Variants in STKLD1 observed in about 807,000 individuals in gnomAD.
STKLD1 encodes serine/threonine kinase-like domain-containing protein STKLD1.
STKLD1 carries 79 observed loss-of-function variants against 80.4 expected under a neutral mutation model. The ratio of observed to expected loss-of-function variants is 0.98; its 90% CI spans 0.82 to 1.19. The LOEUF (loss-of-function observed/expected upper bound fraction) is 1.19, where lower values mean the gene tolerates loss of function less well. Ranked by LOEUF, STKLD1 falls within the 50% of genes most tolerant of loss-of-function variation. STKLD1 has a pLI of 0.00. For synonymous variants in STKLD1, 393 were observed against 357.6 expected (o/e 1.10, Z -1.12); for missense variants, 841 against 856.0 (o/e 0.98, Z 0.22).
chr9:133,391,463 G>C (rs587730058), intron 7 of STKLD1, among the ~76,000 whole-genome samples: 5 of 151,604 alleles, frequency 3.3e-5, no homozygotes, highest in Admixed American at 2.6e-4. Flanking sequence ...TCGGATGGTT[G>C]CTGTGTCTGT....
At chr9:133,392,734 G>A (rs1838437671) in intron 7 of STKLD1, among the ~76,000 whole-genome samples, 1 of 103,642 alleles carries the variant, frequency 9.6e-6, no homozygotes, top group Non-Finnish European at 1.9e-5. Context: ...TGGATGGATG[G>A]ATGGATGGAT....
At chr9:133,398,777 A>C (rs1838623664) in intron 11 of STKLD1, among the ~76,000 whole-genome samples, 1 of 152,212 alleles carries the variant, frequency 6.6e-6, no homozygotes, top group African/African-American at 2.4e-5. Context: ...TCAGAAAACA[A>C]AACCAAACCC....
chr9:133,404,737 C>G, intron 16 of STKLD1, 52 bp from the exon 17 acceptor site: 1 of 1,597,908 alleles, frequency 6.3e-7, no homozygotes, highest in Middle Eastern at 1.7e-4. Context: ...GCAGAAGGCT[C>G]TTCCCTTTCA....
In STKLD1 at chr9:133,379,278, G is replaced by C. The variant is rs1423557360; in HGVS notation, c.174+156G>C. Among the ~76,000 whole-genome samples, 5 of 152,258 alleles carry C rather than the reference G, an allele frequency of 3.3e-5. No homozygotes were observed. The East Asian group carries it at 9.6e-4, about 29-fold the overall frequency. On this transcript the variant is annotated intron_variant, in intron 2 of 17. Coordinates refer to ENST00000371957, the MANE Select transcript of STKLD1 (RefSeq NM_153710.5). ...AGACTAATCTGGTTGGGGTAGATGT[G>C]GGGGTGCGTGAAGCTCTGTCACCTT...
In STKLD1 at chr9:133,405,252, AG is replaced by A. The variant is rs781790236; in HGVS notation, c.1876del (p.Glu626ArgfsTer11). On this transcript the variant is annotated frameshift_variant and splice_region_variant, in exon 18 of 18. Coordinates refer to ENST00000371957, the MANE Select transcript of STKLD1 (RefSeq NM_153710.5). LOFTEE classifies it low-confidence loss of function (END_TRUNC). ...GMLLVHLASY[E>X]EILPELVSSS... Reference sequence around the variant, plus strand: ...CAGGACCTTCCTGCTCCACCTGCAGAGGAGATCCTGCCGGAGCTGGTGTCCA... The same window carrying A: ...CAGGACCTTCCTGCTCCACCTGCAGAGAGATCCTGCCGGAGCTGGTGTCCA... 4 of 1,601,434 alleles carry A rather than the reference AG, an allele frequency of 2.5e-6. No individual in the cohort carries two copies. The African/African-American group carries it at 5.4e-5, about 21-fold the overall frequency.
At chr9:133,395,812 CAT>C (rs1554776661) in intron 9 of STKLD1, 49 bp downstream of exon 9, 1 of 1,580,060 alleles carries the variant, frequency 6.3e-7, no homozygotes, top group East Asian at 2.2e-5. Flanking sequence ...TATCTTTCAA[CAT>C]CTCTCCACCC....
intron 7 of STKLD1, among the ~76,000 whole-genome samples, chr9:133,393,228 T>TGGATGGATGGA (rs1396711710): frequency 1.4e-5 from 1 of 73,612 alleles, no homozygotes; most frequent in African/African-American, 5.0e-5. Flanking sequence ...GGATGGATGG[T>TGGATGGATGGA]TGGACGGATG....
At position 133,400,639 on chromosome 9, in the gene STKLD1, T is replaced by C. The variant is rs1554777478; in HGVS notation, c.1198+110T>C. 5.8e-6 allele frequency: 5 copies of C among 859,022 alleles called. No homozygotes were observed. In the East Asian group the frequency reaches 7.3e-5, roughly 12 times the overall value. 53.2% of individuals were successfully genotyped at this position (859,022 alleles called of 1,614,324 possible). Reference sequence around the variant, plus strand: ...GGGCCGGGTGGGTTAGGGGAAGCCATGCCCTGCTCCCTGCTGCTGCACCTT... The same window carrying C: ...GGGCCGGGTGGGTTAGGGGAAGCCACGCCCTGCTCCCTGCTGCTGCACCTT... On this transcript the variant is annotated intron_variant, in intron 12 of 17. Transcript: ENST00000371957.
At chr9:133,399,893 A>G (rs1479381687) in intron 11 of STKLD1, among the ~76,000 whole-genome samples, 1 of 141,946 alleles carries the variant, frequency 7.0e-6, no homozygotes, top group African/African-American at 3.0e-5. Context: ...AAAAAAAAAA[A>G]AGAGGGGGGG....
chr9:133,403,458 AAG>A (rs1041893422), intron 14 of STKLD1, among the ~76,000 whole-genome samples: 14 of 152,232 alleles, frequency 9.2e-5, no homozygotes, highest in African/African-American at 3.4e-4. Flanking sequence ...CCCCAGGAAA[AAG>A]AGAGCTCCAA....
intron 11 of STKLD1, 76 bp downstream of exon 11, chr9:133,398,131 A>G (rs1838609987): frequency 4.9e-6 from 7 of 1,433,114 alleles, no homozygotes; most frequent in Non-Finnish European, 5.8e-6. Context: ...TGGGGAGCTG[A>G]GGCTGGCCCT....
At position 133,400,495 on chromosome 9, in the gene STKLD1, T is replaced by C. The variant is rs1554777439; in HGVS notation, c.1164T>C (p.Cys388=). 6.2e-7 allele frequency: 1 copy of C among 1,613,386 alleles called. No homozygotes were observed. The highest frequency in any genetic ancestry group is 1.1e-5 in the South Asian group (1 of 91,086). Reference sequence around the variant, plus strand: ...ACAGGGTCCTCGATGTCCAGCTGTGTGCCTGCTCCCTGCTGCTGCACCTCC... The same window carrying C: ...ACAGGGTCCTCGATGTCCAGCTGTGCGCCTGCTCCCTGCTGCTGCACCTCC... ...LHDRVLDVQL[C]ACSLLLHLLG... is the part of the protein sequence containing the mutation. Residue 388 remains cysteine, a synonymous_variant, in exon 12 of 18, where the codon TGT becomes TGC. Coordinates refer to ENST00000371957, the MANE Select transcript of STKLD1 (RefSeq NM_153710.5).
Position 133,385,949 on chromosome 9 carries a change from G to A in STKLD1, c.294+258G>A, listed in dbSNP as rs1431353477. 4.6e-5 allele frequency among the ~76,000 whole-genome samples: 7 copies of A among 150,686 alleles called. No homozygotes were observed. Among genetic ancestry groups the A allele is most frequent in the Non-Finnish European group, 8.9e-5 (6 of 67,726 alleles). ...TTTTTTTTTTTTTGGACAAAGTCTC[G>A]CTCTTGTCCCCCAGGCTGGAGTGTA... On this transcript the variant is annotated intron_variant, in intron 4 of 17. Transcript: ENST00000371957. The surrounding 1 kb of genome is among the most constrained non-coding windows in gnomAD (Gnocchi z 4.9).
rs1300009705 is a variant in STKLD1 at position 133,389,108 on chromosome 9, C to T, written c.397-418C>T. The T allele has an allele frequency of 1.0e-6, 1 of 985,390 alleles. No homozygotes were observed. Among genetic ancestry groups the T allele is most frequent in the African/African-American group, 1.7e-5 (1 of 57,342 alleles). 61.0% of individuals were successfully genotyped at this position (985,390 alleles called of 1,614,324 possible). On this transcript the variant is annotated intron_variant, in intron 5 of 17. Coordinates refer to ENST00000371957, the MANE Select transcript of STKLD1 (RefSeq NM_153710.5). The surrounding 1 kb of genome is among the most constrained non-coding windows in gnomAD (Gnocchi z 6.4). ...ATGCAGAACACTCCTAGCATTCTCT[C>T]TCAGGGCTCTTTTCATTTGAATGAC...
intron 1 of STKLD1, 91 bp downstream of exon 1, chr9:133,376,651 C>A: frequency 8.5e-7 from 1 of 1,170,706 alleles, no homozygotes; most frequent in Non-Finnish European, 1.2e-6. Flanking sequence ...CCGAGGGCGG[C>A]GAGGGGCCCG....
In STKLD1 at chr9:133,404,795, C is replaced by A; in HGVS notation, c.1739C>A (p.Ala580Glu). 1.2e-6 allele frequency: 2 copies of A among 1,612,374 alleles called. No individual in the cohort carries two copies. The highest frequency in any genetic ancestry group is 1.7e-6 in the Non-Finnish European group (2 of 1,179,500). ...ACTCCCACCCATCCCCCAGAGCTGGCGGCCTTCAAGGTGGTGGTGCAGGAG... is the reference window on the plus strand; with the variant it reads ...ACTCCCACCCATCCCCCAGAGCTGGAGGCCTTCAAGGTGGTGGTGCAGGAG... ...LASLVKVSEL[A>E]AFKVVVQEEG... Residue 580 changes from alanine (A) to glutamate (E), a missense_variant, in exon 17 of 18, where the codon GCG (alanine) becomes GAG (glutamate). By Grantham distance (107) the Ala-to-Glu change is moderately radical (BLOSUM62 -1). Coordinates refer to ENST00000371957, the MANE Select transcript of STKLD1 (RefSeq NM_153710.5).
Position 133,389,065 on chromosome 9 carries a change from C to T in STKLD1, c.397-461C>T, listed in dbSNP as rs2130283348. ...CTTTAGAATCACCGCGCTGGGTACT[C>T]GATGGAGCTTGTCTCTGATGCAGAA... is the stretch of plus-strand genomic sequence containing the variant. On this transcript the variant is annotated intron_variant, in intron 5 of 17. Transcript: ENST00000371957. This position sits in a 1 kb window ranked among gnomAD's most constrained non-coding sequence, Gnocchi z 6.4. The T allele has an allele frequency of 7.1e-6, 7 of 985,250 alleles. No homozygotes were observed. The highest frequency in any genetic ancestry group is 4.7e-5 in the South Asian group (1 of 21,288). 61.0% of individuals were successfully genotyped at this position (985,250 alleles called of 1,614,324 possible). A position where few individuals can be genotyped will look rare whatever the true frequency, so the allele number is the denominator to read the frequency against.
chr9:133,378,603 C>T (rs1838060459), intron 1 of STKLD1, among the ~76,000 whole-genome samples: 1 of 152,260 alleles, frequency 6.6e-6, no homozygotes, highest in Non-Finnish European at 1.5e-5. Flanking sequence ...AAGTGCTTGG[C>T]ACCATGCCAG....
chr9:133,385,744 A>G lies in STKLD1; in HGVS notation c.294+53A>G. 6.5e-7 allele frequency: 1 copy of G among 1,544,140 alleles called. No individual in the cohort carries two copies. The highest frequency in any genetic ancestry group is 8.9e-7 in the Non-Finnish European group (1 of 1,119,740). ...CAGCCGCCACGCAGTGGGCTGCAGG[A>G]CCAAGCAGACTGAGCCCAGAGCACG... On this transcript the variant is annotated intron_variant, in intron 4 of 17. Transcript: ENST00000371957. The surrounding 1 kb of genome is among the most constrained non-coding windows in gnomAD (Gnocchi z 4.9).
Sources: gnomAD v4.1 joint callset for allele counts (sites outside exome capture counted in the v4.1 genomes callset) on GRCh38, gnomAD v4.1.1 for gene constraint, Gnocchi (gnomAD v3.1) non-coding constraint, MANE v1.5 for transcripts, NCBI Gene and HGNC (gene_info 2026-07-23, HGNC 2026-07-21) for gene names.